HIBADH: variants seen among roughly 807,000 people sequenced by gnomAD.
HIBADH encodes the protein 3-hydroxyisobutyrate dehydrogenase, mitochondrial.
In HIBADH, 25 loss-of-function variants were observed where a neutral mutation model predicts 36.1. The ratio of observed to expected loss-of-function variants is 0.69; its 90% CI spans 0.50 to 0.97. The LOEUF (loss-of-function observed/expected upper bound fraction) is 0.97. Among genes scored for constraint, HIBADH ranks in the 50% least tolerant of loss-of-function variants. HIBADH has a pLI of 0.00. For synonymous variants in HIBADH, 160 were observed against 149.5 expected, an observed-to-expected ratio of 1.07 and a Z score of -0.51; for missense variants, 421 against 418.0, an observed-to-expected ratio of 1.01 and a Z score of -0.06.
intron 4 of HIBADH, among the ~76,000 whole-genome samples, chr7:27,565,244 T>C (rs1784528877): frequency 6.6e-6 from 1 of 152,180 alleles, no homozygotes; most frequent in South Asian, 2.1e-4. Context: ...GCCTCATCCA[T>C]TCTTTCATGT....
intron 4 of HIBADH, among the ~76,000 whole-genome samples, chr7:27,550,219 A>G (rs1253423942): frequency 6.6e-6 from 1 of 151,876 alleles, no homozygotes; most frequent in Non-Finnish European, 1.5e-5. Context: ...AGCATTTCTT[A>G]TATAATCTCA....
intron 2 of HIBADH, among the ~76,000 whole-genome samples, chr7:27,641,342 G>C (rs1785957744): frequency 6.6e-6 from 1 of 152,132 alleles, no homozygotes; most frequent in African/African-American, 2.4e-5. Context: ...TGGGGGATGG[G>C]CTTGTTTTCT....
intron 4 of HIBADH, among the ~76,000 whole-genome samples, chr7:27,595,537 T>TC (rs1785018420): frequency 2.5e-4 from 3 of 11,978 alleles, no homozygotes; most frequent in South Asian, 5.1e-3. Context: ...TGTCTCAAAA[T>TC]AAATAAATAA....
At chr7:27,570,585 TCCCCTCTG>T (rs1784613859) in intron 4 of HIBADH, among the ~76,000 whole-genome samples, 1 of 151,814 alleles carries the variant, frequency 6.6e-6, no homozygotes, top group African/African-American at 2.4e-5. Context: ...TGATAGAAAC[TCCCCTCTG>T]CCTTAAACGT....
intron 2 of HIBADH, among the ~76,000 whole-genome samples, chr7:27,642,995 C>G (rs1785990072): frequency 6.6e-6 from 1 of 152,192 alleles, no homozygotes; most frequent in South Asian, 2.1e-4. Context: ...ACCCTCTCAC[C>G]TAATGTAACA....
chr7:27,637,664 A>G (rs563005807), intron 2 of HIBADH, among the ~76,000 whole-genome samples: 11 of 152,300 alleles, frequency 7.2e-5, no homozygotes, highest in Non-Finnish European at 1.3e-4. Context: ...CCCTGTGTGC[A>G]GACATGACGC....
intron 2 of HIBADH, among the ~76,000 whole-genome samples, chr7:27,634,389 T>C (rs1785800717): frequency 6.6e-6 from 1 of 152,144 alleles, no homozygotes; most frequent in Middle Eastern, 3.2e-3. Flanking sequence ...CATGAAAACC[T>C]TTCCTACACC....
At chr7:27,645,929 C>G (rs1242572816) in intron 2 of HIBADH, among the ~76,000 whole-genome samples, 1 of 152,030 alleles carries the variant, frequency 6.6e-6, no homozygotes, top group African/African-American at 2.4e-5. Flanking sequence ...TGATGGTGTT[C>G]TCTGGAGCAC....
At chr7:27,603,234 C>A (rs1785162509) in intron 4 of HIBADH, among the ~76,000 whole-genome samples, 1 of 152,064 alleles carries the variant, frequency 6.6e-6, no homozygotes, top group African/African-American at 2.4e-5. Context: ...ATCTGACAAC[C>A]AGAATCCATA....
intron 4 of HIBADH, among the ~76,000 whole-genome samples, chr7:27,596,006 G>A (rs575110388): frequency 5.9e-5 from 9 of 152,296 alleles, no homozygotes; most frequent in African/African-American, 2.2e-4. Context: ...CAAACAGATT[G>A]TTGCAAATGT....
At chr7:27,598,530 A>G (rs992133612) in intron 4 of HIBADH, among the ~76,000 whole-genome samples, 2 of 152,216 alleles carry the variant, frequency 1.3e-5, no homozygotes, top group African/African-American at 4.8e-5. Flanking sequence ...TTGTTTGCTT[A>G]ATGGTTTGAA....
intron 4 of HIBADH, among the ~76,000 whole-genome samples, chr7:27,554,268 G>A (rs764651892): frequency 1.3e-5 from 2 of 152,288 alleles, no homozygotes; most frequent in South Asian, 2.1e-4. Flanking sequence ...TTACAGGCGC[G>A]AGCCACCGCG....
chr7:27,536,769 G>A (rs1784076958), intron 6 of HIBADH, among the ~76,000 whole-genome samples: 1 of 152,128 alleles, frequency 6.6e-6, no homozygotes, highest in Non-Finnish European at 1.5e-5. Context: ...AGAAATGCCA[G>A]AGGATGCATC....
intron 4 of HIBADH, among the ~76,000 whole-genome samples, chr7:27,594,257 C>T (rs180820888): frequency 6.6e-6 from 1 of 151,326 alleles, no homozygotes; most frequent in African/African-American, 2.4e-5. Flanking sequence ...GATTCTCCTG[C>T]CTCAGCCTCC....
At chr7:27,609,409 T>A (rs1785286173) in intron 4 of HIBADH, among the ~76,000 whole-genome samples, 1 of 152,350 alleles carries the variant, frequency 6.6e-6, no homozygotes, top group East Asian at 1.9e-4. Context: ...ACCCTTGGAA[T>A]TTATTTACCA....
At chr7:27,647,544 A>G (rs537416414) in intron 2 of HIBADH, 3 of 175,658 alleles carry the variant, frequency 1.7e-5, no homozygotes, top group South Asian at 3.3e-4. Context: ...ATATTTAGCA[A>G]AAGACCTGAC....
In HIBADH at chr7:27,550,241, A is replaced by G. The variant is rs1275176804; in HGVS notation, c.485-7141T>C. Reference sequence around the variant, plus strand: ...CTTATATAATCTCAAAGTTCCTCCCATTTTTTCTCCATTAAGTTATTCTTT... The same window carrying G: ...CTTATATAATCTCAAAGTTCCTCCCGTTTTTTCTCCATTAAGTTATTCTTT... On this transcript the variant is annotated intron_variant, in intron 4 of 7. Transcript: ENST00000265395. Among the ~76,000 whole-genome samples, 3 of 151,710 alleles carry G rather than the reference A, an allele frequency of 2.0e-5. No homozygotes were observed. The South Asian group carries it at 6.3e-4, about 32-fold the overall frequency.
intron 2 of HIBADH, among the ~76,000 whole-genome samples, chr7:27,634,821 C>G (rs1048578863): frequency 2.0e-5 from 3 of 152,250 alleles, no homozygotes. Context: ...TTCTTAATCC[C>G]ATAAACTGGC....
intron 4 of HIBADH, among the ~76,000 whole-genome samples, chr7:27,578,086 A>G (rs1316896387): frequency 6.6e-6 from 1 of 152,220 alleles, no homozygotes. Context: ...CAAATCATTA[A>G]ATAGTTTAGA....
Sources: gnomAD v4.1 joint callset for allele counts (sites outside exome capture counted in the v4.1 genomes callset) on GRCh38, gnomAD v4.1.1 for gene constraint, MANE v1.5 for transcripts, NCBI Gene and HGNC (gene_info 2026-07-23, HGNC 2026-07-21) for gene names.